ZC3H12B: variants seen among roughly 807,000 people sequenced by gnomAD.
ZC3H12B encodes the protein zinc finger CCCH-type containing 12B.
A neutral mutation model predicts 43.9 loss-of-function variants in ZC3H12B; 7 were observed. The observed-to-expected ratio is 0.16, with a 90% CI of 0.09 to 0.30. ZC3H12B has a LOEUF of 0.30. Among genes scored for constraint, ZC3H12B ranks in the 10% least tolerant of loss-of-function variants. ZC3H12B has a pLI of 1.00. For missense variants in ZC3H12B, 475 were observed against 670.2 expected, an observed-to-expected ratio of 0.71 and a Z score of 3.22; for synonymous variants, 222 against 241.7, an observed-to-expected ratio of 0.92 and a Z score of 0.76.
chrX:65,453,811 A>G (rs911075602), intron 3 of ZC3H12B, among the ~76,000 whole-genome samples: 3 of 111,757 alleles, frequency 2.7e-5, no homozygotes, highest in African/African-American at 9.7e-5. Context: ...GAAGTAATTC[A>G]GTAATGGAAA....
the ZC3H12B span, among the ~76,000 whole-genome samples, chrX:65,187,971 C>A: frequency 9.0e-6 from 1 of 110,923 alleles, no homozygotes; most frequent in Non-Finnish European, 1.9e-5. Context: ...TCTTTCTCAG[C>A]CTTTGGTAAC....
chrX:65,276,953 A>T, the ZC3H12B span, among the ~76,000 whole-genome samples: 1 of 111,539 alleles, frequency 9.0e-6, no homozygotes, highest in African/African-American at 3.3e-5. Context: ...AAAAAACAAG[A>T]CCCAACTATA....
the ZC3H12B span, among the ~76,000 whole-genome samples, chrX:65,229,415 T>C: frequency 9.3e-6 from 1 of 107,152 alleles, no homozygotes; most frequent in Non-Finnish European, 1.9e-5. Context: ...ACGTTAGACC[T>C]AAAACCATAA....
the ZC3H12B span, among the ~76,000 whole-genome samples, chrX:65,197,862 A>G: frequency 8.9e-6 from 1 of 112,068 alleles, no homozygotes; most frequent in South Asian, 3.7e-4. Flanking sequence ...TCAGCCCATA[A>G]ATATGGCTAG....
the ZC3H12B span, among the ~76,000 whole-genome samples, chrX:65,067,185 TAAAA>T: frequency 4.0e-5 from 4 of 101,031 alleles, no homozygotes; most frequent in Non-Finnish European, 6.1e-5. Flanking sequence ...GCCACTCTGT[TAAAA>T]AAAAAAAAAC....
rs182712776 is a variant in ZC3H12B at position 65,415,764 on chromosome X, G to A, written n.407+17060G>A. Among the ~76,000 whole-genome samples, 5 of 111,947 alleles carry A rather than the reference G, an allele frequency of 4.5e-5. No homozygotes were observed. In the East Asian group the frequency reaches 1.4e-3, roughly 31 times the overall value. On this transcript the variant is annotated intron_variant and non_coding_transcript_variant, in intron 3 of 5. Transcript: ENST00000617377. The stretch of plus-strand genomic sequence containing the variant: ...ATTTAATTAACTTCTCTGAACCTTA[G>A]TTTAAATACTTATCCTCTATGAAAT...
chrX:65,138,730 T>C, the ZC3H12B span, among the ~76,000 whole-genome samples: 1 of 111,994 alleles, frequency 8.9e-6, no homozygotes, highest in African/African-American at 3.2e-5. Flanking sequence ...TCCTTTTTTT[T>C]CTGCATACTT....
At chrX:65,271,328 A>G in the ZC3H12B span, 9 of 112,990 alleles carry the variant, frequency 8.0e-5, no homozygotes, top group African/African-American at 2.6e-4. Flanking sequence ...GTCTTAACAT[A>G]TGGAAGTAAA....
chrX:65,150,907 C>T, the ZC3H12B span, among the ~76,000 whole-genome samples: 763 of 111,166 alleles, frequency 6.9e-3, 21 homozygotes, highest in Admixed American at 0.052. Context: ...CCCTGCCTCC[C>T]CTTCCTAGTT....
the ZC3H12B span, among the ~76,000 whole-genome samples, chrX:65,098,225 TACACACACACACACACACACAC>T: frequency 2.1e-5 from 2 of 96,192 alleles, no homozygotes; most frequent in East Asian, 6.4e-4. Context: ...CATGTCTTAG[TACACACACACACACACACACAC>T]ACACACACAC....
chrX:65,261,541 T>G, the ZC3H12B span, among the ~76,000 whole-genome samples: 1 of 110,972 alleles, frequency 9.0e-6, no homozygotes, highest in South Asian at 3.8e-4. Flanking sequence ...TATACATCCA[T>G]ACCACTGCTG....
the ZC3H12B span, among the ~76,000 whole-genome samples, chrX:65,342,293 G>A: frequency 9.0e-6 from 1 of 111,342 alleles, no homozygotes; most frequent in Admixed American, 9.5e-5. Flanking sequence ...ACTCAGCACT[G>A]GATCAAATGG....
At chrX:65,244,551 C>G in the ZC3H12B span, among the ~76,000 whole-genome samples, 2 of 107,348 alleles carry the variant, frequency 1.9e-5, no homozygotes, top group Non-Finnish European at 3.8e-5. Context: ...TTGAGACCAG[C>G]CCGGGTAACA....
chrX:65,043,495 A>C, the ZC3H12B span, among the ~76,000 whole-genome samples: 3 of 110,336 alleles, frequency 2.7e-5, no homozygotes, highest in East Asian at 8.4e-4. Flanking sequence ...AAGTTAATAC[A>C]AAATATTAAT....
At chrX:65,453,705 G>C (rs1297549060) in intron 3 of ZC3H12B, among the ~76,000 whole-genome samples, 1 of 108,916 alleles carries the variant, frequency 9.2e-6, no homozygotes, top group African/African-American at 3.4e-5. Context: ...CTCGAGCCTA[G>C]GTGACAGAGT....
chrX:65,401,600 A>T (rs764551192), intron 3 of ZC3H12B, among the ~76,000 whole-genome samples: 5 of 112,128 alleles, frequency 4.5e-5, no homozygotes, highest in African/African-American at 1.6e-4. Context: ...AACACCAGCC[A>T]GCACAGTTAA....
the ZC3H12B span, among the ~76,000 whole-genome samples, chrX:65,134,751 T>A: frequency 1.8e-5 from 2 of 111,412 alleles, no homozygotes; most frequent in African/African-American, 6.5e-5. Context: ...CCAAACAGGC[T>A]TTGTGTGAGC....
chrX:65,049,944 G>A, the ZC3H12B span, among the ~76,000 whole-genome samples: 5 of 110,893 alleles, frequency 4.5e-5, no homozygotes, highest in Admixed American at 4.8e-4. Context: ...TTCCCTATTA[G>A]TACTGCTTTT....
intron 3 of ZC3H12B, among the ~76,000 whole-genome samples, chrX:65,454,437 C>G (rs1245530123): frequency 1.8e-5 from 2 of 112,146 alleles, no homozygotes; most frequent in Non-Finnish European, 3.8e-5. Flanking sequence ...GGGGGAGGGG[C>G]GCCCACCATT....
Sources: gnomAD v4.1 joint callset for allele counts (sites outside exome capture counted in the v4.1 genomes callset) on GRCh38, gnomAD v4.1.1 for gene constraint, MANE v1.5 for transcripts, NCBI Gene and HGNC (gene_info 2026-07-23, HGNC 2026-07-21) for gene names.